The following THSD7A variants were observed in gnomAD, a reference collection of about 807,000 sequenced individuals.
THSD7A encodes the protein thrombospondin type 1 domain containing 7A, also known as thrombospondin type-1 domain-containing protein 7A.
THSD7A carries 96 observed loss-of-function variants against 231.3 expected under a neutral mutation model. The ratio of observed to expected loss-of-function variants is 0.41; its 90% confidence interval spans 0.35 to 0.49. The LOEUF (loss-of-function observed/expected upper bound fraction) is 0.49. Among genes scored for constraint, THSD7A ranks in the 20% least tolerant of loss-of-function variants. The probability of loss-of-function intolerance (pLI) is 0.05; values close to 1 mark genes in which losing one functional copy is unlikely to be tolerated. For missense variants in THSD7A, 2,290 were observed against 2,070.2 expected (o/e 1.11, Z -2.06); for synonymous variants, 940 against 743.3 (o/e 1.26, Z -4.30).
chr7:11,443,647 T>C (rs116991583), intron 13 of THSD7A, among the ~76,000 whole-genome samples: 2,078 of 152,138 alleles, frequency 0.014, 19 homozygotes, highest in Non-Finnish European at 0.022. Context: ...CAATAAAATT[T>C]ATTTTTTAAT....
At position 11,371,406 on chromosome 7, in the gene THSD7A, A is replaced by T. The variant is rs1484116718; in HGVS notation, c.*4388T>A. ...CACAACTAAACTAGTCCCAGGAAAG[A>T]TCACATTCTGACAAGATTCCTCACA... On this transcript the variant is annotated 3_prime_UTR_variant, in exon 28 of 28. Coordinates refer to ENST00000423059, the MANE Select transcript of THSD7A (RefSeq NM_015204.3). 1.3e-5 allele frequency: 2 copies of T among 152,228 alleles called. No homozygotes were observed. The highest frequency in any genetic ancestry group is 1.3e-4 in the Admixed American group (2 of 15,278). 9.4% of individuals were successfully genotyped at this position (152,228 alleles called of 1,614,324 possible). A position where few individuals can be genotyped will look rare whatever the true frequency, so the allele number is the denominator to read the frequency against.
rs569304879 is a variant in THSD7A at position 11,667,643 on chromosome 7, G to T, written c.191-30682C>A. The stretch of plus-strand genomic sequence containing the variant: ...AAAATAGACTTCTGATGAAGGAGAG[G>T]TTCTTTTTGGGCCCACTGTTAAAAT... On this transcript the variant is annotated intron_variant, in intron 1 of 27. Transcript: ENST00000423059. Among the ~76,000 whole-genome samples the T allele has an allele frequency of 1.2e-3, 177 of 152,212 alleles. 1 individual carries two copies. Among genetic ancestry groups the T allele is most frequent in the African/African-American group, 4.0e-3 (167 of 41,538 alleles).
chr7:11,790,489 T>C (rs1193987123), intron 1 of THSD7A, among the ~76,000 whole-genome samples: 1 of 151,888 alleles, frequency 6.6e-6, no homozygotes, highest in East Asian at 1.9e-4. Flanking sequence ...ACAGGAAGGA[T>C]TCATGTCTAT....
intron 1 of THSD7A, among the ~76,000 whole-genome samples, chr7:11,706,170 C>T (rs1477038858): frequency 1.3e-5 from 2 of 150,912 alleles, no homozygotes; most frequent in Non-Finnish European, 3.0e-5. Flanking sequence ...ATCATACTTA[C>T]ATTAATATGT....
Position 11,462,122 on chromosome 7 carries a change from T to A in THSD7A, c.2390A>T (p.Gln797Leu). The A allele has an allele frequency of 2.5e-6, 4 of 1,613,772 alleles. No homozygotes were observed. Among genetic ancestry groups the A allele is most frequent in the Non-Finnish European group, 3.4e-6 (4 of 1,179,750 alleles). ...CKEGDSSIRKQSRHRVIIQLP... is the reference protein window; with the variant it reads ...CKEGDSSIRKLSRHRVIIQLP... ...CTGAATGATGACCCGATGCCTAGAC[T>A]GCTTCCTGATACTGGAGTCCCCTGC... Residue 797 changes from glutamine to leucine, a missense_variant, in exon 10 of 28, where the codon CAG (glutamine) becomes CTG (leucine). Transcript: ENST00000423059.
chr7:11,588,611 G>C (rs74701539), intron 4 of THSD7A, among the ~76,000 whole-genome samples: 3 of 151,934 alleles, frequency 2.0e-5, no homozygotes, highest in Non-Finnish European at 4.4e-5. Context: ...TTTAGCAGTG[G>C]TTGGGGGGAG....
chr7:11,501,937 A>C (rs1427876378), intron 6 of THSD7A, among the ~76,000 whole-genome samples: 1 of 152,160 alleles, frequency 6.6e-6, no homozygotes, highest in Non-Finnish European at 1.5e-5. Flanking sequence ...AGAAATGATG[A>C]AGGGAATGTT....
chr7:11,645,476 T>C (rs991836757), intron 1 of THSD7A, among the ~76,000 whole-genome samples: 1 of 151,880 alleles, frequency 6.6e-6, no homozygotes, highest in Non-Finnish European at 1.5e-5. Flanking sequence ...GTATTAAAAG[T>C]TTAATCTTCT....
At chr7:11,680,012 A>C (rs1416959135) in intron 1 of THSD7A, among the ~76,000 whole-genome samples, 3 of 152,060 alleles carry the variant, frequency 2.0e-5, no homozygotes, top group Admixed American at 6.6e-5. Context: ...AGACCAATGG[A>C]ACGTAACAGA....
chr7:11,740,137 G>T (rs1246326551), intron 1 of THSD7A, among the ~76,000 whole-genome samples: 1 of 151,914 alleles, frequency 6.6e-6, no homozygotes, highest in Non-Finnish European at 1.5e-5. Flanking sequence ...ACACTAGTAA[G>T]ATCCCACACG....
rs1040502872 is a variant in THSD7A at position 11,373,172 on chromosome 7, T to C, written c.*2622A>G. The C allele has an allele frequency of 6.6e-6, 1 of 152,014 alleles. No homozygotes were observed. Among genetic ancestry groups the C allele is most frequent in the Admixed American group, 6.6e-5 (1 of 15,218 alleles). 9.4% of individuals were successfully genotyped at this position (152,014 alleles called of 1,614,324 possible). On this transcript the variant is annotated 3_prime_UTR_variant, in exon 28 of 28. Transcript: ENST00000423059. ...ACATTCTATAATTTTGATTTGCTAA[T>C]TTAATTCTTATAGGTAGGATGATAC...
rs923498801 is a variant in THSD7A at position 11,618,719 on chromosome 7, C to A, written c.1022+17411G>T. ...AGCAGAATGGCGTGAACCCGGGAGGCGGAGCTTGCAGTGAGCAGAGATCGC... is the reference window on the plus strand; with the variant it reads ...AGCAGAATGGCGTGAACCCGGGAGGAGGAGCTTGCAGTGAGCAGAGATCGC... On this transcript the variant is annotated intron_variant, in intron 2 of 27. Coordinates refer to ENST00000423059, the MANE Select transcript of THSD7A (RefSeq NM_015204.3). Among the ~76,000 whole-genome samples the A allele has an allele frequency of 2.7e-5, 4 of 150,620 alleles. No homozygotes were observed. The East Asian group carries it at 7.8e-4, about 29-fold the overall frequency.
intron 13 of THSD7A, 91 bp downstream of exon 13, chr7:11,445,970 A>T: frequency 6.7e-7 from 1 of 1,482,982 alleles, no homozygotes; most frequent in Non-Finnish European, 9.3e-7. Flanking sequence ...ATACGTCTGT[A>T]AACCTTCACT....
chr7:11,618,089 T>C (rs1781170646), intron 2 of THSD7A, among the ~76,000 whole-genome samples: 1 of 152,234 alleles, frequency 6.6e-6, no homozygotes, highest in Non-Finnish European at 1.5e-5. Context: ...CCTAGGAATA[T>C]GTCCTACAGA....
chr7:11,490,069 C>A (rs1361229853), intron 6 of THSD7A, among the ~76,000 whole-genome samples: 2 of 152,016 alleles, frequency 1.3e-5, no homozygotes, highest in Non-Finnish European at 2.9e-5. Context: ...TCTCAAGTTT[C>A]TGTTCATATA....
chr7:11,652,108 C>T (rs1267007863), intron 1 of THSD7A, among the ~76,000 whole-genome samples: 1 of 151,746 alleles, frequency 6.6e-6, no homozygotes, highest in Admixed American at 6.6e-5. Context: ...GTTACGTTTC[C>T]TTTTTTATCA....
At chr7:11,692,570 G>C (rs576780803) in intron 1 of THSD7A, among the ~76,000 whole-genome samples, 5 of 151,450 alleles carry the variant, frequency 3.3e-5, no homozygotes, top group Non-Finnish European at 5.9e-5. Context: ...AAGCTACTCT[G>C]GTGTGAAGAA....
intron 6 of THSD7A, among the ~76,000 whole-genome samples, chr7:11,524,918 A>T (rs1458530825): frequency 6.6e-6 from 1 of 152,212 alleles, no homozygotes; most frequent in East Asian, 1.9e-4. Flanking sequence ...TTGGCTATAT[A>T]ATTATGGGAT....
chr7:11,791,375 A>G (rs1783947918), intron 1 of THSD7A, among the ~76,000 whole-genome samples: 1 of 151,980 alleles, frequency 6.6e-6, no homozygotes. Context: ...TCATACTGAT[A>G]AATGTTATCC....
Sources: gnomAD v4.1 joint callset for allele counts (sites outside exome capture counted in the v4.1 genomes callset) on GRCh38, gnomAD v4.1.1 for gene constraint, MANE v1.5 for transcripts, NCBI Gene and HGNC (gene_info 2026-07-23, HGNC 2026-07-21) for gene names.